The following FAM135B variants were observed in gnomAD, a reference collection of about 807,000 sequenced individuals.
The protein encoded by FAM135B is protein FAM135B.
Under a neutral mutation model 127.7 loss-of-function variants are expected in FAM135B, and 43 were observed. The observed-to-expected ratio is 0.34, with a 90% confidence interval of 0.26 to 0.43. FAM135B has a LOEUF of 0.43. Ranked by LOEUF, FAM135B falls within the 20% of genes least tolerant of loss-of-function variation. The pLI is 1.00. For missense variants in FAM135B, 1,558 were observed against 1,725.6 expected, an observed-to-expected ratio of 0.90 and a Z score of 1.72; for synonymous variants, 670 against 665.1, an observed-to-expected ratio of 1.01 and a Z score of -0.11.
At chr8:138,240,557 C>T (rs868481615) in intron 7 of FAM135B, among the ~76,000 whole-genome samples, 1 of 152,186 alleles carries the variant, frequency 6.6e-6, no homozygotes, top group African/African-American at 2.4e-5. Context: ...ATTCCCCACA[C>T]TTTTATTGAG....
intron 2 of FAM135B, among the ~76,000 whole-genome samples, chr8:138,352,258 T>C (rs1460624736): frequency 6.6e-6 from 1 of 152,198 alleles, no homozygotes; most frequent in Non-Finnish European, 1.5e-5. Flanking sequence ...AGGGGGTTAA[T>C]TGCTTTAAAT....
chr8:138,377,661 T>C (rs1310703990), intron 1 of FAM135B, among the ~76,000 whole-genome samples: 1 of 152,164 alleles, frequency 6.6e-6, no homozygotes, highest in Middle Eastern at 3.2e-3. Flanking sequence ...GAAATTTCAA[T>C]GAGTTTTGGC....
At chr8:138,396,200 A>G (rs941008990) in intron 1 of FAM135B, among the ~76,000 whole-genome samples, 1 of 152,112 alleles carries the variant, frequency 6.6e-6, no homozygotes, top group African/African-American at 2.4e-5. Flanking sequence ...TGAGGGCCCC[A>G]TTTGCTGCAG....
chr8:138,342,081 G>A (rs888814274), intron 2 of FAM135B, among the ~76,000 whole-genome samples: 1 of 152,158 alleles, frequency 6.6e-6, no homozygotes, highest in African/African-American at 2.4e-5. Context: ...TAGGCGTCAA[G>A]CACTCTGCTA....
chr8:138,391,279 G>A (rs113867110), intron 1 of FAM135B, among the ~76,000 whole-genome samples: 8 of 152,114 alleles, frequency 5.3e-5, no homozygotes, highest in East Asian at 1.9e-4. Context: ...AGTGGGGGGC[G>A]TTATTCCCAT....
At chr8:138,246,797 A>C (rs1397827271) in intron 6 of FAM135B, among the ~76,000 whole-genome samples, 1 of 152,196 alleles carries the variant, frequency 6.6e-6, no homozygotes, top group Non-Finnish European at 1.5e-5. Flanking sequence ...TGGAAAAGCC[A>C]CACTCAACAT....
intron 7 of FAM135B, among the ~76,000 whole-genome samples, chr8:138,225,658 C>CATT (rs1819370126): frequency 1.3e-5 from 2 of 152,088 alleles, no homozygotes; most frequent in Admixed American, 1.3e-4. Context: ...TAATAAGGCA[C>CATT]TGCTCTTAGG....
rs570463349 is a variant in FAM135B, at chr8:138,158,436, C to A, written c.1259-5220G>T. Among the ~76,000 whole-genome samples the A allele has an allele frequency of 1.4e-3, 219 of 152,186 alleles. 1 individual carries two copies. Among genetic ancestry groups the A allele is most frequent in the East Asian group, 4.3e-3 (22 of 5,176 alleles). ...ACACCAAAAGCAATGGCAACAAAAGCCAAAATTGACAAATTAAACTAAAGA... is the reference window on the plus strand; with the variant it reads ...ACACCAAAAGCAATGGCAACAAAAGACAAAATTGACAAATTAAACTAAAGA... On this transcript the variant is annotated intron_variant, in intron 12 of 19. Coordinates refer to ENST00000395297, the MANE Select transcript of FAM135B (RefSeq NM_015912.4).
chr8:138,414,210 A>G (rs1352914102), intron 1 of FAM135B, among the ~76,000 whole-genome samples: 1 of 151,046 alleles, frequency 6.6e-6, no homozygotes. Context: ...AATAATGAAT[A>G]TAGAGGATAT....
chr8:138,144,264 C>CA (rs1817466195), intron 15 of FAM135B: 1 of 152,158 alleles, frequency 6.6e-6, no homozygotes, highest in African/African-American at 2.4e-5. Flanking sequence ...ACTAAAACTA[C>CA]AAAAAATTAG....
chr8:138,136,203 G>A (rs1296949669), intron 19 of FAM135B, among the ~76,000 whole-genome samples: 1 of 151,704 alleles, frequency 6.6e-6, no homozygotes, highest in East Asian at 1.9e-4. Flanking sequence ...AGATACCAGG[G>A]AAAATTTGGA....
chr8:138,482,042 G>A (rs946011607), intron 1 of FAM135B, among the ~76,000 whole-genome samples: 3 of 152,212 alleles, frequency 2.0e-5, no homozygotes, highest in African/African-American at 7.2e-5. Context: ...GGGCTACATT[G>A]TCAGCACATA....
intron 5 of FAM135B, among the ~76,000 whole-genome samples, chr8:138,253,713 G>A (rs1422140553): frequency 6.6e-6 from 1 of 152,142 alleles, no homozygotes; most frequent in Non-Finnish European, 1.5e-5. Context: ...CCTGCATTGA[G>A]AGCCGCCAGA....
intron 1 of FAM135B, among the ~76,000 whole-genome samples, chr8:138,402,068 G>C (rs1160052988): frequency 6.6e-6 from 1 of 152,110 alleles, no homozygotes; most frequent in Non-Finnish European, 1.5e-5. Context: ...GACAGAGAGT[G>C]AGAACTGGTG....
chr8:138,444,164 AC>A (rs946950182), intron 1 of FAM135B, among the ~76,000 whole-genome samples: 58 of 152,300 alleles, frequency 3.8e-4, no homozygotes, highest in Admixed American at 1.1e-3. Flanking sequence ...GTCCTTAGAG[AC>A]CTACAAAGAG....
chr8:138,252,003 T>C (rs1821734757), intron 5 of FAM135B, among the ~76,000 whole-genome samples: 1 of 152,206 alleles, frequency 6.6e-6, no homozygotes, highest in Admixed American at 6.5e-5. Context: ...AAACCCTTGT[T>C]CCTTGTGCGC....
intron 1 of FAM135B, among the ~76,000 whole-genome samples, chr8:138,461,018 C>T (rs1200629228): frequency 6.6e-6 from 1 of 152,154 alleles, no homozygotes; most frequent in Non-Finnish European, 1.5e-5. Flanking sequence ...TTCCAATCCA[C>T]AGCAAAGGGA....
chr8:138,372,493 T>C (rs573978941), intron 1 of FAM135B, among the ~76,000 whole-genome samples: 19 of 152,234 alleles, frequency 1.2e-4, no homozygotes, highest in South Asian at 4.1e-4. Context: ...GCAATATACA[T>C]ACAGGCTCCA....
At chr8:138,393,930 AC>A (rs34692929) in intron 1 of FAM135B, among the ~76,000 whole-genome samples, 1 of 152,050 alleles carries the variant, frequency 6.6e-6, no homozygotes, top group African/African-American at 2.4e-5. Context: ...GCCAGCCACA[AC>A]CCCGTGCCTC....
Sources: allele counts gnomAD v4.1 joint callset (sites outside exome capture counted in the v4.1 genomes callset), GRCh38; gene constraint gnomAD v4.1.1; transcripts MANE v1.5; gene names NCBI Gene and HGNC (gene_info 2026-07-23, HGNC 2026-07-21).